Variants in CHST11 observed in about 807,000 individuals in gnomAD.
The protein encoded by CHST11 is C4S-1.
Under a neutral mutation model 30.4 loss-of-function variants are expected in CHST11, and 9 were observed. The ratio of observed to expected loss-of-function variants is 0.30; its 90% CI spans 0.18 to 0.52. The LOEUF is 0.52. CHST11 is among the 20% of genes least tolerant of loss of function. CHST11 has a pLI of 0.97. For missense variants in CHST11, 348 were observed against 460.6 expected (o/e 0.76, Z 2.24); for synonymous variants, 152 against 187.8 (o/e 0.81, Z 1.56).
intron 2 of CHST11, among the ~76,000 whole-genome samples, chr12:104,646,049 A>T (rs1276526930): frequency 6.6e-6 from 1 of 152,210 alleles, no homozygotes; most frequent in East Asian, 1.9e-4. Flanking sequence ...CGCATGCAGG[A>T]TGCTGCCGGC....
intron 1 of CHST11, among the ~76,000 whole-genome samples, chr12:104,599,360 G>A (rs759550409): frequency 1.2e-4 from 18 of 152,194 alleles, no homozygotes; most frequent in Admixed American, 6.5e-4. Flanking sequence ...GCTTTTCACC[G>A]CGCGGTCCCG....
chr12:104,666,907 C>G (rs2039647569), intron 2 of CHST11, among the ~76,000 whole-genome samples: 1 of 152,046 alleles, frequency 6.6e-6, no homozygotes, highest in Non-Finnish European at 1.5e-5. Context: ...TCCCCCAAAA[C>G]TATGCCCAGG....
intron 1 of CHST11, among the ~76,000 whole-genome samples, chr12:104,535,857 A>C (rs1030817150): frequency 6.6e-6 from 1 of 152,362 alleles, no homozygotes; most frequent in Middle Eastern, 3.4e-3. Context: ...AAGAGATCAT[A>C]ACTCTGGATT....
chr12:104,562,369 G>T (rs2038522158), intron 1 of CHST11, among the ~76,000 whole-genome samples: 1 of 152,102 alleles, frequency 6.6e-6, no homozygotes, highest in Non-Finnish European at 1.5e-5. Context: ...GTCACCTGCA[G>T]CTCTGTAAAC....
intron 1 of CHST11, among the ~76,000 whole-genome samples, chr12:104,460,119 C>T (rs1330557651): frequency 6.6e-6 from 1 of 152,118 alleles, no homozygotes; most frequent in Non-Finnish European, 1.5e-5. Flanking sequence ...GTTAAAGATC[C>T]TTGCTTCTCT....
intron 2 of CHST11, among the ~76,000 whole-genome samples, chr12:104,663,220 C>T (rs563829295): frequency 7.2e-5 from 11 of 152,340 alleles, no homozygotes; most frequent in African/African-American, 1.2e-4. Flanking sequence ...CGTGCGACTT[C>T]CATCTCGTGA....
At chr12:104,473,193 A>T (rs577007827) in intron 1 of CHST11, among the ~76,000 whole-genome samples, 1 of 152,012 alleles carries the variant, frequency 6.6e-6, no homozygotes, top group African/African-American at 2.4e-5. Context: ...AATCGTTTCT[A>T]TTATCATCAT....
rs1257079395 is a variant in CHST11 at position 104,457,386 on chromosome 12, C to T, written c.-26C>T. On this transcript the variant is annotated 5_prime_UTR_variant, in exon 1 of 3. Coordinates refer to ENST00000303694, the MANE Select transcript of CHST11 (RefSeq NM_018413.6). ...GCCCCGGGCGCGCTTCCCGGACACC[C>T]CGGTCCCCGCAGCCAGGACAAAGCC... 2 of 1,576,830 alleles carry T rather than the reference C, an allele frequency of 1.3e-6. No individual in the cohort carries two copies. The highest frequency in any genetic ancestry group is 1.7e-6 in the Non-Finnish European group (2 of 1,147,850).
rs147605770 is a variant in CHST11, at chr12:104,612,776, T to A, written c.204+10785T>A. Reference sequence around the variant, plus strand: ...TTGGTACAGCCATTATGGAAAACAGTATGGAGGTTCTCCAAGAAATTAAAA... The same window carrying A: ...TTGGTACAGCCATTATGGAAAACAGAATGGAGGTTCTCCAAGAAATTAAAA... On this transcript the variant is annotated intron_variant, in intron 2 of 2. Coordinates refer to ENST00000303694, the MANE Select transcript of CHST11 (RefSeq NM_018413.6). Among the ~76,000 whole-genome samples, 592 of 152,280 alleles carry A rather than the reference T, an allele frequency of 3.9e-3. 2 individuals carry two copies. The highest frequency in any genetic ancestry group is 0.014 in the African/African-American group (576 of 41,546).
intron 1 of CHST11, among the ~76,000 whole-genome samples, chr12:104,557,308 G>C (rs1054006035): frequency 6.6e-6 from 1 of 152,214 alleles, no homozygotes; most frequent in Non-Finnish European, 1.5e-5. Context: ...CTCCTTCACC[G>C]CTCATCACCA....
chr12:104,685,926 C>T (rs775093798), intron 2 of CHST11, among the ~76,000 whole-genome samples: 11 of 152,190 alleles, frequency 7.2e-5, no homozygotes, highest in Non-Finnish European at 1.0e-4. Context: ...TCCAGAAATT[C>T]GTGCAAAACA....
chr12:104,655,954 G>GT (rs2039540463), intron 2 of CHST11, among the ~76,000 whole-genome samples: 1 of 152,188 alleles, frequency 6.6e-6, no homozygotes, highest in Non-Finnish European at 1.5e-5. Context: ...GATTTTCTTA[G>GT]TTTTTTCCTC....
intron 2 of CHST11, among the ~76,000 whole-genome samples, chr12:104,629,409 G>A (rs1374338068): frequency 2.0e-5 from 3 of 152,176 alleles, no homozygotes; most frequent in Non-Finnish European, 4.4e-5. Flanking sequence ...GCTTCTTCAA[G>A]GCCAAGAGGA....
intron 2 of CHST11, among the ~76,000 whole-genome samples, chr12:104,719,517 T>C (rs1340907009): frequency 6.6e-6 from 1 of 152,186 alleles, no homozygotes; most frequent in Non-Finnish European, 1.5e-5. Context: ...AAACATAGGC[T>C]TCCTGCCATT....
chr12:104,608,841 A>G (rs1047884317), intron 2 of CHST11, among the ~76,000 whole-genome samples: 13 of 152,162 alleles, frequency 8.5e-5, no homozygotes, highest in East Asian at 3.9e-4. Flanking sequence ...TTCGATGCCT[A>G]TAGTGCTAGA....
chr12:104,651,563 T>A (rs1262570984), intron 2 of CHST11, among the ~76,000 whole-genome samples: 2 of 152,158 alleles, frequency 1.3e-5, no homozygotes, highest in Non-Finnish European at 2.9e-5. Flanking sequence ...CTCCTTGACC[T>A]GGGGGCCAGT....
intron 1 of CHST11, among the ~76,000 whole-genome samples, chr12:104,566,678 A>C (rs897156634): frequency 2.0e-5 from 3 of 152,130 alleles, no homozygotes; most frequent in Non-Finnish European, 2.9e-5. Context: ...TTTATAACTC[A>C]ATGCTCAGAA....
chr12:104,618,051 G>A (rs1406405150), intron 2 of CHST11, among the ~76,000 whole-genome samples: 1 of 151,642 alleles, frequency 6.6e-6, no homozygotes, highest in Admixed American at 6.6e-5. Context: ...TGGGATTACA[G>A]GTGTGCACCA....
intron 1 of CHST11, among the ~76,000 whole-genome samples, chr12:104,478,853 C>T (rs2037590114): frequency 1.3e-5 from 2 of 152,040 alleles, no homozygotes; most frequent in Admixed American, 1.3e-4. Context: ...AGTCTCTGGT[C>T]ATTTGGGGGA....
Sources: gnomAD v4.1 joint callset for allele counts (sites outside exome capture counted in the v4.1 genomes callset) on GRCh38, gnomAD v4.1.1 for gene constraint, MANE v1.5 for transcripts, NCBI Gene and HGNC (gene_info 2026-07-23, HGNC 2026-07-21) for gene names.